Variants in TENM3 observed in about 807,000 individuals in gnomAD.
TENM3 encodes the protein teneurin-3.
Under a neutral mutation model 255.1 loss-of-function variants are expected in TENM3, and 63 were observed. The observed-to-expected ratio is 0.25, with a 90% CI of 0.20 to 0.30. The LOEUF is 0.30. Ranked by LOEUF, TENM3 falls within the 10% of genes least tolerant of loss-of-function variation. The pLI is 1.00. For synonymous variants in TENM3, 1,306 were observed against 1,322.3 expected, an observed-to-expected ratio of 0.99 and a Z score of 0.27; for missense variants, 2,929 against 3,461.1, an observed-to-expected ratio of 0.85 and a Z score of 3.86.
At chr4:181,961,810 A>G in the TENM3 span, among the ~76,000 whole-genome samples, 2 of 152,172 alleles carry the variant, frequency 1.3e-5, no homozygotes, top group Non-Finnish European at 2.9e-5. Flanking sequence ...ACTTTCACAT[A>G]GTTTCTTCAA....
At chr4:182,680,464 G>T (rs1756078024) in intron 9 of TENM3, 79 bp from the exon 10 acceptor site, 1 of 1,534,246 alleles carries the variant, frequency 6.5e-7, no homozygotes, top group East Asian at 2.3e-5. Context: ...CATATTGCTT[G>T]TTCCAGCGAT....
intron 3 of TENM3, among the ~76,000 whole-genome samples, chr4:182,385,262 CTTT>C (rs397762118): frequency 2.7e-5 from 3 of 112,098 alleles, no homozygotes; most frequent in Non-Finnish European, 5.0e-5. Flanking sequence ...TATTGTGCGT[CTTT>C]TTTTTTTTTT....
chr4:182,411,345 T>A (rs934540912), intron 3 of TENM3, among the ~76,000 whole-genome samples: 3 of 152,230 alleles, frequency 2.0e-5, no homozygotes, highest in African/African-American at 7.2e-5. Flanking sequence ...CTGTATGCAG[T>A]CAAAGTCCAG....
chr4:182,262,398 G>A (rs1758862250), intron 1 of TENM3, among the ~76,000 whole-genome samples: 1 of 152,136 alleles, frequency 6.6e-6, no homozygotes, highest in Non-Finnish European at 1.5e-5. Flanking sequence ...TGGGATAGGA[G>A]ATTGGCACAA....
chr4:182,324,101 C>T lies in TENM3; in HGVS notation c.81C>T (p.Ser27=). Residue 27 remains serine, a synonymous_variant, in exon 2 of 28, where the codon TCC becomes TCT. Coordinates refer to ENST00000511685, the MANE Select transcript of TENM3 (RefSeq NM_001080477.4). ...REKERRYTNS[S]ADNEECRVPT... ...AGGAACGGCGCTACACAAATTCCTC[C>T]GCAGACAATGAGGAGTGCCGGGTAC... The T allele has an allele frequency of 1.9e-6, 3 of 1,613,966 alleles. No homozygotes were observed. Among genetic ancestry groups the T allele is most frequent in the East Asian group, 2.2e-5 (1 of 44,858 alleles).
At chr4:182,340,759 C>A (rs1764436829) in intron 2 of TENM3, among the ~76,000 whole-genome samples, 1 of 152,184 alleles carries the variant, frequency 6.6e-6, no homozygotes, top group Non-Finnish European at 1.5e-5. Flanking sequence ...ACTGATTCAA[C>A]AAGCACCTAA....
At chr4:182,189,979 A>C (rs1312006844) in intron 1 of TENM3, among the ~76,000 whole-genome samples, 2 of 152,146 alleles carry the variant, frequency 1.3e-5, no homozygotes. Flanking sequence ...GGGAATTCTA[A>C]TTTTCTTACG....
the TENM3 span, among the ~76,000 whole-genome samples, chr4:181,501,684 G>GT: frequency 5.9e-5 from 9 of 152,000 alleles, no homozygotes; most frequent in Non-Finnish European, 8.8e-5. Flanking sequence ...AGCCAGATTG[G>GT]TTTTTTTTCT....
chr4:181,955,891 G>T, the TENM3 span, among the ~76,000 whole-genome samples: 4,654 of 152,238 alleles, frequency 0.031, 85 homozygotes, highest in South Asian at 0.043. Context: ...ATACACTAAG[G>T]TTATTCTCAT....
the TENM3 span, among the ~76,000 whole-genome samples, chr4:181,699,519 C>T: frequency 7.7e-6 from 1 of 129,276 alleles, no homozygotes. Context: ...TAATATAATA[C>T]ATCATTATAC....
chr4:182,438,706 T>C (rs1772229296), intron 3 of TENM3, among the ~76,000 whole-genome samples: 1 of 152,254 alleles, frequency 6.6e-6, no homozygotes, highest in African/African-American at 2.4e-5. Flanking sequence ...TGGCTGCTTA[T>C]ATCATCTGTA....
At chr4:181,982,982 AAC>A in the TENM3 span, among the ~76,000 whole-genome samples, 5 of 152,152 alleles carry the variant, frequency 3.3e-5, no homozygotes, top group Admixed American at 1.3e-4. Flanking sequence ...CAGATTTGTT[AAC>A]AGTCTTTATT....
chr4:181,598,915 G>A, the TENM3 span, among the ~76,000 whole-genome samples: 1 of 152,042 alleles, frequency 6.6e-6, no homozygotes, highest in African/African-American at 2.4e-5. Flanking sequence ...TATAGCTCTG[G>A]TGAAAATTTT....
At chr4:182,730,122 GTTGAA>G in intron 14 of TENM3, 73 bp from the exon 15 acceptor site, 6 of 1,562,854 alleles carry the variant, frequency 3.8e-6, no homozygotes, top group Non-Finnish European at 5.2e-6. Context: ...TTATCCTTAG[GTTGAA>G]TTATCTATAA....
intron 1 of TENM3, among the ~76,000 whole-genome samples, chr4:182,236,205 A>G (rs2150040640): frequency 6.6e-6 from 1 of 152,346 alleles, no homozygotes; most frequent in Admixed American, 6.5e-5. Flanking sequence ...AGATAACTAA[A>G]CAAGTAATAT....
At chr4:181,659,522 T>A in the TENM3 span, among the ~76,000 whole-genome samples, 2 of 152,238 alleles carry the variant, frequency 1.3e-5, no homozygotes, top group African/African-American at 4.8e-5. Flanking sequence ...TGGTGACTGA[T>A]GACCAATTTT....
chr4:182,591,275 T>C (rs983468823), intron 3 of TENM3, among the ~76,000 whole-genome samples: 1 of 152,170 alleles, frequency 6.6e-6, no homozygotes, highest in African/African-American at 2.4e-5. Context: ...ACGTGAAGAT[T>C]TAGATTCAGA....
intron 3 of TENM3, among the ~76,000 whole-genome samples, chr4:182,557,274 A>G (rs1347208607): frequency 6.6e-6 from 1 of 152,206 alleles, no homozygotes; most frequent in Admixed American, 6.5e-5. Context: ...GCATTTGTTA[A>G]CTGGGACCCT....
chr4:181,880,125 G>A, the TENM3 span, among the ~76,000 whole-genome samples: 1 of 152,034 alleles, frequency 6.6e-6, no homozygotes, highest in South Asian at 2.1e-4. Flanking sequence ...GTTAAACTCT[G>A]CCTCATGTTG....
Sources: gnomAD v4.1 joint callset for allele counts (sites outside exome capture counted in the v4.1 genomes callset) on GRCh38, gnomAD v4.1.1 for gene constraint, MANE v1.5 for transcripts, NCBI Gene and HGNC (gene_info 2026-07-23, HGNC 2026-07-21) for gene names.